Variants in TRIT1 observed in about 807,000 individuals in gnomAD.
TRIT1 encodes tRNA dimethylallyltransferase.
In TRIT1, 43 loss-of-function variants were observed where a neutral mutation model predicts 51.2. The ratio of observed to expected loss-of-function variants is 0.84; its 90% CI spans 0.66 to 1.08. The LOEUF (loss-of-function observed/expected upper bound fraction) is 1.08, where lower values mean the gene tolerates loss of function less well. Among genes scored for constraint, TRIT1 ranks in the 50% least tolerant of loss-of-function variants. TRIT1 has a pLI of 0.00. For missense variants in TRIT1, 528 were observed against 578.4 expected (o/e 0.91, Z 0.89); for synonymous variants, 184 against 203.9 (o/e 0.90, Z 0.83).
chr1:39,877,381 G>A (rs994341215), intron 1 of TRIT1, among the ~76,000 whole-genome samples: 5 of 147,978 alleles, frequency 3.4e-5, no homozygotes, highest in East Asian at 4.0e-4. Flanking sequence ...ATTGGATGAC[G>A]AGATGACACA....
Position 39,850,270 on chromosome 1 carries a change from T to A in TRIT1, c.561-9A>T. The A allele has an allele frequency of 6.2e-7, 1 of 1,613,898 alleles. No individual in the cohort carries two copies. ...CAAAAACTTGCAAGCTCCTAAGTAA[T>A]TTAAAAGGGGAGGGAGGGGGCACAC... On this transcript the variant is annotated splice_polypyrimidine_tract_variant and intron_variant, in intron 4 of 10. Coordinates refer to ENST00000316891, the MANE Select transcript of TRIT1 (RefSeq NM_017646.6).
At chr1:39,883,023 C>T (rs1483431233) in intron 1 of TRIT1, among the ~76,000 whole-genome samples, 1 of 152,204 alleles carries the variant, frequency 6.6e-6, no homozygotes, top group Non-Finnish European at 1.5e-5. Context: ...TCCACTTATT[C>T]GCTATGTGAC....
intron 5 of TRIT1, 58 bp from the exon 6 acceptor site, chr1:39,848,155 T>C (rs1448990106): frequency 7.7e-7 from 1 of 1,300,056 alleles, no homozygotes; most frequent in Non-Finnish European, 1.1e-6. Flanking sequence ...ACTATATACT[T>C]ACATGACGAG....
chr1:39,870,513 T>TAAAAAAAAAAAAAAAAAA (rs60334518), intron 1 of TRIT1, among the ~76,000 whole-genome samples: 1 of 78,780 alleles, frequency 1.3e-5, no homozygotes, highest in African/African-American at 5.1e-5. Context: ...CAATAAATAC[T>TAAAAAAAAAAAAAAAAAA]AAAAAAAAAA....
intron 1 of TRIT1, among the ~76,000 whole-genome samples, chr1:39,873,993 C>G (rs970809547): frequency 1.3e-5 from 2 of 151,960 alleles, no homozygotes; most frequent in Non-Finnish European, 2.9e-5. Flanking sequence ...CCAGCCTGGG[C>G]AACAAGAGCG....
intron 1 of TRIT1, among the ~76,000 whole-genome samples, chr1:39,858,711 C>T (rs1399513765): frequency 6.6e-6 from 1 of 151,980 alleles, no homozygotes; most frequent in African/African-American, 2.4e-5. Context: ...GAAATAAAAT[C>T]GGTAAACAGT....
chr1:39,852,898 G>A (rs775270920), intron 3 of TRIT1, 22 bp from the exon 4 acceptor site: 46 of 1,612,802 alleles, frequency 2.9e-5, no homozygotes, highest in Admixed American at 1.0e-4. Context: ...TGGTTTAGAA[G>A]TATATTTAAT....
chr1:39,882,378 G>C (rs1166687979), intron 1 of TRIT1, among the ~76,000 whole-genome samples: 1 of 152,164 alleles, frequency 6.6e-6, no homozygotes, highest in East Asian at 1.9e-4. Context: ...GCTATGTTCA[G>C]TGCCAGGCAT....
rs931310715 is a variant in TRIT1 at position 39,839,317 on chromosome 1, G to T, written c.*2427C>A. Among the ~76,000 whole-genome samples, 1 of 152,102 alleles carries T rather than the reference G, an allele frequency of 6.6e-6. No homozygotes were observed. Among genetic ancestry groups the T allele is most frequent in the Non-Finnish European group, 1.5e-5 (1 of 68,016 alleles). On this transcript the variant is annotated 3_prime_UTR_variant, in exon 11 of 11. Transcript: ENST00000316891. ...ACTTTTCAGCTCTCAAATGAGATTTGGTATGAGATTTAGTAATAGAGTAAG... is the reference window on the plus strand; with the variant it reads ...ACTTTTCAGCTCTCAAATGAGATTTTGTATGAGATTTAGTAATAGAGTAAG...
At chr1:39,847,347 T>A in intron 7 of TRIT1, 50 bp from the exon 8 acceptor site, 1 of 1,548,402 alleles carries the variant, frequency 6.5e-7, no homozygotes, top group Non-Finnish European at 8.9e-7. Flanking sequence ...CTCCTTACCC[T>A]GCAGAGAGGC....
At chr1:39,858,105 G>C (rs1435014496) in intron 1 of TRIT1, among the ~76,000 whole-genome samples, 1 of 152,138 alleles carries the variant, frequency 6.6e-6, no homozygotes, top group Non-Finnish European at 1.5e-5. Context: ...CTAAATGCAA[G>C]GTCTCCAAGA....
intron 1 of TRIT1, among the ~76,000 whole-genome samples, chr1:39,876,833 C>T (rs1313293550): frequency 2.7e-5 from 4 of 150,236 alleles, no homozygotes; most frequent in Non-Finnish European, 4.4e-5. Flanking sequence ...GAGGCTGAGG[C>T]AGGAGAATGG....
At chr1:39,877,673 G>A (rs1475868352) in intron 1 of TRIT1, among the ~76,000 whole-genome samples, 2 of 152,170 alleles carry the variant, frequency 1.3e-5, no homozygotes, top group East Asian at 1.9e-4. Context: ...TCCAGTCACT[G>A]AAGGCCCGGC....
At chr1:39,843,602 C>G (rs1642051369) in intron 10 of TRIT1, among the ~76,000 whole-genome samples, 1 of 152,200 alleles carries the variant, frequency 6.6e-6, no homozygotes, top group Admixed American at 6.5e-5. Flanking sequence ...GCAACTACCA[C>G]TATGCCAACA....
chr1:39,869,108 TGGTCTCCCTCTCCCTCTCTCTCCAG>T (rs1643722194), intron 1 of TRIT1, among the ~76,000 whole-genome samples: 1 of 141,114 alleles, frequency 7.1e-6, no homozygotes, highest in African/African-American at 2.5e-5. Flanking sequence ...CCTCTCCCCA[TGGTCTCCCTCTCCCTCTCTCTCCAG>T]GGTCTCCCTC....
intron 3 of TRIT1, 101 bp downstream of exon 3, chr1:39,853,869 G>C: frequency 1.3e-6 from 1 of 754,204 alleles, no homozygotes; most frequent in Admixed American, 2.7e-5. Context: ...ATAGTTGCTG[G>C]GTATAAGAAA....
chr1:39,850,665 T>C (rs1033492878), intron 4 of TRIT1, among the ~76,000 whole-genome samples: 1 of 152,220 alleles, frequency 6.6e-6, no homozygotes, highest in Non-Finnish European at 1.5e-5. Context: ...TAAATTATTC[T>C]GAAATCAGTT....
intron 1 of TRIT1, among the ~76,000 whole-genome samples, chr1:39,869,156 G>A (rs1298034127): frequency 6.6e-6 from 1 of 151,888 alleles, no homozygotes; most frequent in Non-Finnish European, 1.5e-5. Context: ...ATGCAGACTG[G>A]AGGCTGGACT....
At chr1:39,877,714 A>C (rs1484596491) in intron 1 of TRIT1, among the ~76,000 whole-genome samples, 1 of 152,216 alleles carries the variant, frequency 6.6e-6, no homozygotes, top group Non-Finnish European at 1.5e-5. Context: ...GCCAAGAAAA[A>C]GACTCAGACT....
Sources: gnomAD v4.1 joint callset for allele counts (sites outside exome capture counted in the v4.1 genomes callset) on GRCh38, gnomAD v4.1.1 for gene constraint, MANE v1.5 for transcripts, NCBI Gene and HGNC (gene_info 2026-07-23, HGNC 2026-07-21) for gene names.